Variants in EML6 observed in about 807,000 individuals in gnomAD.
The protein encoded by EML6 is echinoderm microtubule-associated protein-like 6.
A neutral mutation model predicts 240.1 loss-of-function variants in EML6; 154 were observed. The ratio of observed to expected loss-of-function variants is 0.64; its 90% CI spans 0.56 to 0.73. EML6 has a LOEUF of 0.73. Ranked by LOEUF, EML6 falls within the 30% of genes least tolerant of loss-of-function variation. EML6 has a pLI of 0.00. For missense variants in EML6, 2,964 were observed against 2,474.6 expected (o/e 1.20, Z -4.20); for synonymous variants, 1,148 against 899.0 (o/e 1.28, Z -4.95).
rs750687985 is a variant in EML6 at position 54,848,755 on chromosome 2, A to T, written c.1187+1132A>T. On this transcript the variant is annotated intron_variant, in intron 9 of 41. Transcript: ENST00000356458. ...CCTGTCTCACAATTGTAGGGAAAAA[A>T]CAACCCCAGTGAGCTTTCCAGTGTG... Among the ~76,000 whole-genome samples, 3 of 152,304 alleles carry T rather than the reference A, an allele frequency of 2.0e-5. No individual in the cohort carries two copies. In the East Asian group the frequency reaches 5.8e-4, roughly 29 times the overall value.
At chr2:54,729,328 C>T (rs1487058127) in intron 2 of EML6, among the ~76,000 whole-genome samples, 2 of 152,172 alleles carry the variant, frequency 1.3e-5, no homozygotes, top group Non-Finnish European at 2.9e-5. Flanking sequence ...GTTTTGTGAC[C>T]GATGCTGCTC....
intron 2 of EML6, among the ~76,000 whole-genome samples, chr2:54,801,227 G>T (rs2103970589): frequency 6.6e-6 from 1 of 151,918 alleles, no homozygotes; most frequent in South Asian, 2.1e-4. Context: ...GGCTGGGGCA[G>T]GAGAGTGAAT....
At chr2:54,825,053 T>G (rs1246631749) in intron 5 of EML6, among the ~76,000 whole-genome samples, 1 of 152,242 alleles carries the variant, frequency 6.6e-6, no homozygotes, top group African/African-American at 2.4e-5. Flanking sequence ...CCATCTGACC[T>G]GGTGACTTGT....
At chr2:54,734,658 T>A (rs561813938) in intron 2 of EML6, among the ~76,000 whole-genome samples, 1 of 152,084 alleles carries the variant, frequency 6.6e-6, no homozygotes, top group African/African-American at 2.4e-5. Context: ...GTAGTGGAGG[T>A]GGGGATGAGG....
At chr2:54,782,014 T>C (rs1668876904) in intron 2 of EML6, among the ~76,000 whole-genome samples, 2 of 152,196 alleles carry the variant, frequency 1.3e-5, no homozygotes, top group South Asian at 2.1e-4. Flanking sequence ...TTGAGTTACC[T>C]TTTCTACTTT....
intron 3 of EML6, 150 bp from the exon 4 acceptor site, chr2:54,816,637 T>C (rs1234573782): frequency 1.7e-6 from 1 of 604,644 alleles, no homozygotes; most frequent in African/African-American, 1.9e-5. Flanking sequence ...TATTGTGTTA[T>C]TTTTAGTTTG....
At chr2:54,801,809 C>T (rs555999351) in intron 2 of EML6, among the ~76,000 whole-genome samples, 43 of 152,188 alleles carry the variant, frequency 2.8e-4, no homozygotes, top group Non-Finnish European at 4.4e-4. Flanking sequence ...CTATGAGGCC[C>T]TATGTATTAA....
At chr2:54,872,336 A>T (rs1350213551) in intron 16 of EML6, among the ~76,000 whole-genome samples, 1 of 152,210 alleles carries the variant, frequency 6.6e-6, no homozygotes, top group African/African-American at 2.4e-5. Flanking sequence ...CAGAATGCTG[A>T]TTTTATAATT....
At chr2:54,946,806 C>A (rs1675715668) in intron 28 of EML6, among the ~76,000 whole-genome samples, 1 of 152,048 alleles carries the variant, frequency 6.6e-6, no homozygotes, top group South Asian at 2.1e-4. Flanking sequence ...ATGCAGGTTT[C>A]TTCCCCTTGC....
intron 2 of EML6, among the ~76,000 whole-genome samples, chr2:54,805,441 C>A (rs888873348): frequency 7.9e-5 from 12 of 152,148 alleles, no homozygotes; most frequent in Admixed American, 5.9e-4. Flanking sequence ...ATTCCAGTTG[C>A]CCTGTGTCTT....
chr2:54,744,601 C>T (rs1262760610), intron 2 of EML6, among the ~76,000 whole-genome samples: 3 of 151,502 alleles, frequency 2.0e-5, no homozygotes, highest in African/African-American at 7.3e-5. Flanking sequence ...AGGAGGGAGA[C>T]AGTGGAGAGG....
At chr2:54,908,649 T>G (rs571408732) in intron 24 of EML6, among the ~76,000 whole-genome samples, 15 of 152,300 alleles carry the variant, frequency 9.8e-5, no homozygotes, top group African/African-American at 3.4e-4. Context: ...GGGTCTTATC[T>G]CTGCCTTTGA....
intron 25 of EML6, among the ~76,000 whole-genome samples, chr2:54,913,934 T>C (rs928162657): frequency 6.6e-6 from 1 of 152,188 alleles, no homozygotes; most frequent in African/African-American, 2.4e-5. Context: ...CCATTGCTTA[T>C]TTTTGTTGAC....
chr2:54,954,702 A>G (rs1483490534), intron 32 of EML6, among the ~76,000 whole-genome samples: 3 of 152,134 alleles, frequency 2.0e-5, no homozygotes, highest in African/African-American at 7.2e-5. Flanking sequence ...TCCTCCCCCA[A>G]TACATGCACA....
intron 2 of EML6, chr2:54,748,479 T>C (rs2103689471): frequency 6.6e-6 from 1 of 152,318 alleles, no homozygotes; most frequent in South Asian, 2.1e-4. Flanking sequence ...GGGAGGACAC[T>C]CAACACATTT....
intron 13 of EML6, among the ~76,000 whole-genome samples, chr2:54,864,169 T>C (rs543087100): frequency 1.3e-5 from 2 of 152,368 alleles, no homozygotes; most frequent in East Asian, 1.9e-4. Context: ...CTTTAAAATA[T>C]ATTTTGAAGA....
At chr2:54,881,240 CT>C (rs1397837611) in intron 17 of EML6, 1 of 152,072 alleles carries the variant, frequency 6.6e-6, no homozygotes, top group Non-Finnish European at 1.5e-5. Context: ...ATAAAAGTTA[CT>C]TAAATATCTA....
chr2:54,956,741 T>C (rs1054668784), intron 32 of EML6, among the ~76,000 whole-genome samples: 5 of 151,748 alleles, frequency 3.3e-5, no homozygotes, highest in African/African-American at 1.2e-4. Context: ...AAAGCTGTCA[T>C]AAAAACAAAT....
Position 54,853,745 on chromosome 2 carries a change from C to T in EML6, c.1547C>T (p.Thr516Ile). ...PEVSGIWPKYTEVTDINSVDA... is the reference protein window; with the variant it reads ...PEVSGIWPKYIEVTDINSVDA... Reference sequence around the variant, plus strand: ...GTGAGTGGAATTTGGCCCAAATACACTGAGGTTACTGACATCAACTCAGTG... The same window carrying T: ...GTGAGTGGAATTTGGCCCAAATACATTGAGGTTACTGACATCAACTCAGTG... The change falls in exon 11 of 42, where the codon ACT (threonine) becomes ATT (isoleucine). Residue 516 changes from threonine (T) to isoleucine (I), a missense_variant. Thr to Ile is a moderately conservative substitution (Grantham distance 89). Coordinates refer to ENST00000356458, the MANE Select transcript of EML6 (RefSeq NM_001039753.4). 3.2e-6 allele frequency: 5 copies of T among 1,551,626 alleles called. No homozygotes were observed. Among genetic ancestry groups the T allele is most frequent in the Non-Finnish European group, 4.4e-6 (5 of 1,146,918 alleles).
Sources: gnomAD v4.1 joint callset for allele counts (sites outside exome capture counted in the v4.1 genomes callset) on GRCh38, gnomAD v4.1.1 for gene constraint, MANE v1.5 for transcripts, NCBI Gene and HGNC (gene_info 2026-07-23, HGNC 2026-07-21) for gene names.